MUCL1: variants seen among roughly 807,000 people sequenced by gnomAD.
The protein encoded by MUCL1 is mucin-like protein 1.
A neutral mutation model predicts 9.2 loss-of-function variants in MUCL1; 11 were observed. That is an observed-to-expected ratio of 1.19 (90% CI 0.75 to 1.97). The LOEUF (loss-of-function observed/expected upper bound fraction) is 1.97, where lower values mean the gene tolerates loss of function less well. Among genes scored for constraint, MUCL1 ranks in the 30% most tolerant of loss-of-function variants. The pLI is 0.00. For missense variants in MUCL1, 144 were observed against 110.9 expected (o/e 1.30, Z -1.34); for synonymous variants, 48 against 40.5 (o/e 1.19, Z -0.71).
At chr12:54,838,554 G>A (rs1959197233), upstream of MUCL1, among the ~76,000 whole-genome samples, 1 of 152,080 alleles carries the variant, frequency 6.6e-6, no homozygotes, top group Non-Finnish European at 1.5e-5. Flanking sequence ...TTCTCCCTCA[G>A]GAGCACAAAT....
intron 1 of MUCL1, among the ~76,000 whole-genome samples, chr12:54,845,549 A>G (rs1349089312): frequency 6.6e-6 from 1 of 152,044 alleles, no homozygotes; most frequent in African/African-American, 2.4e-5. Flanking sequence ...TTCTCAAACC[A>G]AGTACTTAGA....
upstream of MUCL1, among the ~76,000 whole-genome samples, chr12:54,834,716 A>G (rs899568728): frequency 6.6e-6 from 1 of 151,950 alleles, no homozygotes; most frequent in African/African-American, 2.4e-5. Flanking sequence ...ATCCTACATG[A>G]TTGAAATTTT....
At chr12:54,837,370 T>C (rs901415479), upstream of MUCL1, among the ~76,000 whole-genome samples, 1 of 152,196 alleles carries the variant, frequency 6.6e-6, no homozygotes, top group African/African-American at 2.4e-5. Flanking sequence ...CTGTTGTTGC[T>C]TTAAAACCTG....
chr12:54,840,950 G>A (rs1347080353), intron 1 of MUCL1, among the ~76,000 whole-genome samples: 1 of 152,166 alleles, frequency 6.6e-6, no homozygotes. Flanking sequence ...ACCCTCCCCA[G>A]GGATGAAACT....
chr12:54,833,915 T>C (rs908136960), intron 1 of MUCL1, among the ~76,000 whole-genome samples: 14 of 152,084 alleles, frequency 9.2e-5, no homozygotes, highest in Non-Finnish European at 1.9e-4. Context: ...GGCACATGTA[T>C]ACATATGTAA....
upstream of MUCL1, among the ~76,000 whole-genome samples, chr12:54,851,914 A>C (rs1011135971): frequency 6.6e-6 from 1 of 152,196 alleles, no homozygotes; most frequent in Non-Finnish European, 1.5e-5. Context: ...CAATTGCTTC[A>C]AAGAGAATAA....
upstream of MUCL1, among the ~76,000 whole-genome samples, chr12:54,835,377 T>A (rs968050069): frequency 7.9e-5 from 12 of 152,168 alleles, no homozygotes; most frequent in African/African-American, 2.9e-4. Flanking sequence ...CCATCAGCAG[T>A]GTGTAAGCAT....
upstream of MUCL1, among the ~76,000 whole-genome samples, chr12:54,838,441 T>C (rs1959197008): frequency 6.6e-6 from 1 of 152,172 alleles, no homozygotes; most frequent in African/African-American, 2.4e-5. Flanking sequence ...CCCACAGGTG[T>C]TCTTTGAGCT....
At chr12:54,856,695 T>C (rs557223612) in intron 2 of MUCL1, 75 bp from the exon 3 acceptor site, 4 of 1,536,878 alleles carry the variant, frequency 2.6e-6, no homozygotes, top group African/African-American at 2.7e-5. Flanking sequence ...GAGGAATGTA[T>C]GTCTACCCCT....
upstream of MUCL1, chr12:54,854,504 A>AC: frequency 9.0e-7 from 1 of 1,105,470 alleles, no homozygotes; most frequent in Non-Finnish European, 1.4e-6. Context: ...CAGGATGTGG[A>AC]ATCCTGAAGT....
intron 1 of MUCL1, among the ~76,000 whole-genome samples, chr12:54,847,946 A>C (rs891378772): frequency 6.6e-6 from 1 of 152,090 alleles, no homozygotes; most frequent in African/African-American, 2.4e-5. Context: ...GCATGATCAC[A>C]GGATGAGATC....
chr12:54,846,176 T>C (rs1959251379), intron 1 of MUCL1, among the ~76,000 whole-genome samples: 1 of 152,130 alleles, frequency 6.6e-6, no homozygotes, highest in Non-Finnish European at 1.5e-5. Context: ...GGAGGGTCCA[T>C]TGAGCTGGTT....
chr12:54,843,754 C>A (rs1441326933), intron 1 of MUCL1, among the ~76,000 whole-genome samples: 2 of 152,176 alleles, frequency 1.3e-5, no homozygotes, highest in African/African-American at 4.8e-5. Flanking sequence ...AAAATGGATT[C>A]TTCTATAGAG....
intron 1 of MUCL1, among the ~76,000 whole-genome samples, chr12:54,833,007 T>C (rs1222590659): frequency 6.6e-6 from 1 of 152,092 alleles, no homozygotes; most frequent in Non-Finnish European, 1.5e-5. Context: ...GGATTTATAT[T>C]ATGTTTTTCT....
At chr12:54,854,314 T>TGA (rs1482033816), upstream of MUCL1, among the ~76,000 whole-genome samples, 1 of 152,194 alleles carries the variant, frequency 6.6e-6, no homozygotes, top group Non-Finnish European at 1.5e-5. Context: ...ATATTTAACA[T>TGA]GAGAGACTCG....
At chr12:54,852,206 C>A (rs1158368264), upstream of MUCL1, among the ~76,000 whole-genome samples, 1 of 152,152 alleles carries the variant, frequency 6.6e-6, no homozygotes, top group African/African-American at 2.4e-5. Context: ...CAAGTCAATC[C>A]TAAGCCAAAA....
chr12:54,846,810 A>G (rs111249818), intron 1 of MUCL1, among the ~76,000 whole-genome samples: 9 of 152,200 alleles, frequency 5.9e-5, no homozygotes, highest in African/African-American at 1.7e-4. Context: ...AATAATGACT[A>G]TGCTCACTTG....
chr12:54,852,177 A>G (rs1428995617), upstream of MUCL1, among the ~76,000 whole-genome samples: 1 of 152,186 alleles, frequency 6.6e-6, no homozygotes, highest in Admixed American at 6.5e-5. Context: ...ATATGGAAGC[A>G]AAAAAGAGCC....
At chr12:54,851,033 T>G (rs1959330503), upstream of MUCL1, among the ~76,000 whole-genome samples, 2 of 152,224 alleles carry the variant, frequency 1.3e-5, no homozygotes, top group Non-Finnish European at 2.9e-5. Context: ...TAAATTTGTT[T>G]GAATTCATTG....
Sources: allele counts gnomAD v4.1 joint callset (sites outside exome capture counted in the v4.1 genomes callset), GRCh38; gene constraint gnomAD v4.1.1; transcripts MANE v1.5; gene names NCBI Gene and HGNC (gene_info 2026-07-23, HGNC 2026-07-21).